The following CYP3A4 variants were observed in gnomAD, a reference collection of about 807,000 sequenced individuals.
CYP3A4 encodes cytochrome P450 family 3 subfamily A member 4.
A neutral mutation model predicts 54.9 loss-of-function variants in CYP3A4; 41 were observed. The ratio of observed to expected loss-of-function variants is 0.75; its 90% CI spans 0.58 to 0.97. The LOEUF (loss-of-function observed/expected upper bound fraction) is 0.97, where lower values mean the gene tolerates loss of function less well. Ranked by LOEUF, CYP3A4 falls within the 50% of genes least tolerant of loss-of-function variation. The pLI is 0.00. For synonymous variants in CYP3A4, 179 were observed against 205.2 expected (o/e 0.87, Z 1.09); for missense variants, 510 against 597.3 (o/e 0.85, Z 1.52).
intron 6 of CYP3A4, among the ~76,000 whole-genome samples, chr7:99,769,003 C>G (rs1261452672): frequency 6.6e-6 from 1 of 152,120 alleles, no homozygotes; most frequent in African/African-American, 2.4e-5. Context: ...CTCTATACTC[C>G]CTGCTCAAGC....
rs1681964521 is a variant in CYP3A4, at chr7:99,757,131, T to A, written c.*1002A>T. On this transcript the variant is annotated 3_prime_UTR_variant, in exon 13 of 13. Transcript: ENST00000651514. The stretch of plus-strand genomic sequence containing the variant: ...AAACATTAAATCAAAACTAATAATA[T>A]AATAAGAGCTTCAGTTCTTTGTTAC... The A allele has an allele frequency of 6.6e-6, 1 of 152,090 alleles. No individual in the cohort carries two copies. The highest frequency in any genetic ancestry group is 2.1e-4 in the South Asian group (1 of 4,822). 9.4% of individuals were successfully genotyped at this position (152,090 alleles called of 1,614,324 possible).
chr7:99,764,093 T>C, intron 9 of CYP3A4, 78 bp from the exon 10 acceptor site: 2 of 1,597,890 alleles, frequency 1.3e-6, no homozygotes, highest in South Asian at 2.2e-5. Flanking sequence ...GAAATCTAAG[T>C]GAAGCCCTCA....
At chr7:99,769,709 G>T in intron 6 of CYP3A4, 59 bp downstream of exon 6, 2 of 1,600,326 alleles carry the variant, frequency 1.2e-6, no homozygotes, top group South Asian at 2.2e-5. Context: ...TCAGCTCCAT[G>T]GCAGGCAGCT....
intron 6 of CYP3A4, among the ~76,000 whole-genome samples, chr7:99,769,052 G>GGTT (rs1293122538): frequency 6.6e-6 from 1 of 152,106 alleles, no homozygotes; most frequent in Non-Finnish European, 1.5e-5. Flanking sequence ...GGTGAGCTGA[G>GGTT]GTTGCCCTGA....
At position 99,757,360 on chromosome 7, in the gene CYP3A4, G is replaced by T. The variant is rs1815200492; in HGVS notation, c.*773C>A. ...ATTTGTGTATTTTTAGTAGAGATGGGGTTTCAACCATGTAGGCCAGGCTTG... is the reference window on the plus strand; with the variant it reads ...ATTTGTGTATTTTTAGTAGAGATGGTGTTTCAACCATGTAGGCCAGGCTTG... On this transcript the variant is annotated 3_prime_UTR_variant, in exon 13 of 13. Coordinates refer to ENST00000651514, the MANE Select transcript of CYP3A4 (RefSeq NM_017460.6). The T allele has an allele frequency of 7.4e-6, 1 of 134,928 alleles. No individual in the cohort carries two copies. The highest frequency in any genetic ancestry group is 7.0e-5 in the Admixed American group (1 of 14,236). 8.4% of individuals were successfully genotyped at this position (134,928 alleles called of 1,614,324 possible).
Position 99,760,835 on chromosome 7 carries a change from G to A in CYP3A4, c.1400C>T (p.Pro467Leu). ...IRVLQNFSFK[P>L]CKETQIPLKL... ...TTGACTAACCTGTGTTTCTTTACAA[G>A]GTTTGAAGGAGAAGTTCTGAAGGAC... Residue 467 changes from proline (P) to leucine (L), a missense_variant, in exon 12 of 13, where the codon CCT becomes CTT. Around this residue, in one of 2 missense-constraint regions of CYP3A4, gnomAD observed 238 missense variants for 322.5 expected, o/e 0.74. Coordinates refer to ENST00000651514, the MANE Select transcript of CYP3A4 (RefSeq NM_017460.6). 3 of 1,613,898 alleles carry A rather than the reference G, an allele frequency of 1.9e-6. No homozygotes were observed. The highest frequency in any genetic ancestry group is 2.5e-6 in the Non-Finnish European group (3 of 1,179,910).
intron 4 of CYP3A4, among the ~76,000 whole-genome samples, chr7:99,771,076 A>C (rs28988579): frequency 0.026 from 3,954 of 152,294 alleles, 83 homozygotes; most frequent in South Asian, 0.054. Flanking sequence ...ACAATTCAAA[A>C]ATTCACCACA....
At chr7:99,783,494 T>C (rs1370971048) in intron 1 of CYP3A4, among the ~76,000 whole-genome samples, 2 of 151,938 alleles carry the variant, frequency 1.3e-5, no homozygotes, top group African/African-American at 4.8e-5. Flanking sequence ...TTCTTGCCAC[T>C]AAAGATGGAT....
At chr7:99,761,418 C>T (rs1815325576) in intron 11 of CYP3A4, among the ~76,000 whole-genome samples, 1 of 152,014 alleles carries the variant, frequency 6.6e-6, no homozygotes, top group African/African-American at 2.4e-5. Context: ...CACTTTCCTT[C>T]TCATCTCCTC....
At position 99,779,973 on chromosome 7, in the gene CYP3A4, T is replaced by A; in HGVS notation, c.165+19A>T. 1 of 1,601,174 alleles carries A rather than the reference T, an allele frequency of 6.2e-7. No individual in the cohort carries two copies. Among genetic ancestry groups the A allele is most frequent in the Non-Finnish European group, 8.6e-7 (1 of 1,168,848 alleles). ...TTGGCAATCATAAGAAGCAAAAGAG[T>A]GAGCTCAAAAACACTCACCTTATGG... is the stretch of plus-strand genomic sequence containing the variant. On this transcript the variant is annotated intron_variant, in intron 2 of 12. Transcript: ENST00000651514.
intron 3 of CYP3A4, among the ~76,000 whole-genome samples, chr7:99,774,140 C>A (rs1815698960): frequency 6.6e-6 from 1 of 151,998 alleles, no homozygotes; most frequent in African/African-American, 2.4e-5. Flanking sequence ...AAGACTAAAC[C>A]AGGAAGAAGT....
intron 12 of CYP3A4, among the ~76,000 whole-genome samples, chr7:99,759,651 G>T (rs925829011): frequency 1.3e-5 from 2 of 152,054 alleles, no homozygotes; most frequent in Non-Finnish European, 2.9e-5. Context: ...TAGATACAAA[G>T]AAAATATAGA....
chr7:99,768,372 G>T lies in CYP3A4; in HGVS notation c.652C>A (p.Pro218Thr), dbSNP rs2151558717. The T allele has an allele frequency of 6.2e-7, 1 of 1,613,792 alleles. No homozygotes were observed. Among genetic ancestry groups the T allele is most frequent in the South Asian group, 1.1e-5 (1 of 91,066 alleles). Residue 218 changes from proline (P) to threonine (T), a missense_variant, in exon 7 of 13, where the codon CCA becomes ACA. Coordinates refer to ENST00000651514, the MANE Select transcript of CYP3A4 (RefSeq NM_017460.6). ...KKLLRFDFLD[P>T]FFLSITVFPF... ...CACATACTTATTGAGAGAAAGAATG[G>T]ATCCAAAAAATCAAATCTTAAAAGC... is the stretch of plus-strand genomic sequence containing the variant.
intron 3 of CYP3A4, among the ~76,000 whole-genome samples, chr7:99,775,821 C>CA: frequency 6.6e-6 from 1 of 152,208 alleles, no homozygotes; most frequent in East Asian, 1.9e-4. Context: ...GCAATGGCAA[C>CA]AAAAGCCAAA....
At chr7:99,775,423 G>A (rs1349432733) in intron 3 of CYP3A4, among the ~76,000 whole-genome samples, 3 of 152,122 alleles carry the variant, frequency 2.0e-5, no homozygotes, top group African/African-American at 7.2e-5. Context: ...GAGGCATCAC[G>A]CTACCTGACT....
intron 3 of CYP3A4, among the ~76,000 whole-genome samples, chr7:99,777,547 G>A (rs983468401): frequency 6.0e-5 from 9 of 150,748 alleles, no homozygotes; most frequent in African/African-American, 1.5e-4. Context: ...AATCAAAGAA[G>A]GCTATGAAGA....
intron 3 of CYP3A4, among the ~76,000 whole-genome samples, chr7:99,776,217 G>C (rs1481920833): frequency 6.6e-6 from 1 of 152,196 alleles, no homozygotes; most frequent in African/African-American, 2.4e-5. Flanking sequence ...AGGATGTGGA[G>C]AAATAGGAAC....
chr7:99,764,470 A>T (rs1275019673), intron 9 of CYP3A4, among the ~76,000 whole-genome samples: 1 of 152,250 alleles, frequency 6.6e-6, no homozygotes, highest in Non-Finnish European at 1.5e-5. Context: ...TAATGGTTAA[A>T]TGTAGGGAAA....
At chr7:99,781,384 T>A (rs1457251830) in intron 1 of CYP3A4, among the ~76,000 whole-genome samples, 1 of 152,194 alleles carries the variant, frequency 6.6e-6, no homozygotes, top group Non-Finnish European at 1.5e-5. Context: ...CTAATTTTTC[T>A]CAAGGTGGTC....
Sources: allele counts gnomAD v4.1 joint callset (sites outside exome capture counted in the v4.1 genomes callset), GRCh38; gene constraint gnomAD v4.1.1; regional missense constraint gnomAD v4.1.1; transcripts MANE v1.5; gene names NCBI Gene and HGNC (gene_info 2026-07-23, HGNC 2026-07-21).